Variants in PROX1 observed in about 807,000 individuals in gnomAD.
PROX1 encodes the protein prospero homeobox protein 1.
PROX1 carries 7 observed loss-of-function variants against 58.8 expected under a neutral mutation model. That is an observed-to-expected ratio of 0.12 (90% confidence interval 0.07 to 0.22). The LOEUF (loss-of-function observed/expected upper bound fraction) is 0.22. Among genes scored for constraint, PROX1 ranks in the 10% least tolerant of loss-of-function variants. The pLI is 1.00. For synonymous variants in PROX1, 350 were observed against 358.3 expected (o/e 0.98, Z 0.26); for missense variants, 675 against 927.8 (o/e 0.73, Z 3.54).
At position 214,011,650 on chromosome 1, in the gene PROX1, A is replaced by G. The variant is rs1383269308; in HGVS notation, c.1963A>G (p.Ile655Val). ...DGVTSTEELS[I>V]TRDCELYRAL... ...GGTCACCAGTACTGAAGAGCTGTCTATAACCAGAGACTGTGAGCTGTACAG... is the reference window on the plus strand; with the variant it reads ...GGTCACCAGTACTGAAGAGCTGTCTGTAACCAGAGACTGTGAGCTGTACAG... Residue 655 changes from isoleucine to valine, a missense_variant, in exon 4 of 5, where the codon ATA becomes GTA. Physicochemically the swap from Ile to Val is conservative, Grantham distance 29. Around this residue, in one of 8 missense-constraint regions of PROX1, gnomAD observed 50 missense variants for 79.3 expected, o/e 0.63. Coordinates refer to ENST00000366958, the MANE Select transcript of PROX1 (RefSeq NM_001270616.2). The G allele has an allele frequency of 6.2e-7, 1 of 1,613,982 alleles. No individual in the cohort carries two copies. Among genetic ancestry groups the G allele is most frequent in the East Asian group, 2.2e-5 (1 of 44,892 alleles).
chr1:214,017,691 C>G (rs957363737), intron 4 of PROX1, among the ~76,000 whole-genome samples: 2 of 152,096 alleles, frequency 1.3e-5, no homozygotes, highest in Non-Finnish European at 2.9e-5. Context: ...CCCGCACCCC[C>G]CCACAAATGA....
intron 3 of PROX1, among the ~76,000 whole-genome samples, chr1:214,006,724 C>T (rs887932454): frequency 6.6e-6 from 1 of 151,970 alleles, no homozygotes; most frequent in Non-Finnish European, 1.5e-5. Context: ...CATTTTAGTT[C>T]TAGGAGGGGA....
chr1:213,991,244 A>G (rs1010333887), intron 1 of PROX1, among the ~76,000 whole-genome samples: 1 of 152,174 alleles, frequency 6.6e-6, no homozygotes, highest in Non-Finnish European at 1.5e-5. Flanking sequence ...TTAAAACTTG[A>G]CCTTTTAAAA....
chr1:214,020,129 C>A (rs1437181088), intron 4 of PROX1, among the ~76,000 whole-genome samples: 1 of 152,136 alleles, frequency 6.6e-6, no homozygotes, highest in African/African-American at 2.4e-5. Context: ...GTGATTGCTT[C>A]CAGTTTATGA....
chr1:213,994,789 A>C (rs1242996024), intron 1 of PROX1, among the ~76,000 whole-genome samples: 5 of 76,734 alleles, frequency 6.5e-5, no homozygotes, highest in African/African-American at 2.5e-4. Context: ...ATATATATAT[A>C]TATATATATA....
At chr1:214,020,363 T>C (rs1279007766) in intron 4 of PROX1, among the ~76,000 whole-genome samples, 2 of 152,200 alleles carry the variant, frequency 1.3e-5, no homozygotes, top group African/African-American at 4.8e-5. Context: ...TGAAGGTTCC[T>C]TTCTCTAAGT....
intron 4 of PROX1, among the ~76,000 whole-genome samples, chr1:214,017,716 C>T (rs928807267): frequency 3.3e-5 from 5 of 152,152 alleles, no homozygotes; most frequent in Non-Finnish European, 5.9e-5. Flanking sequence ...TTGGCTCTCT[C>T]GGCGGCTGTA....
chr1:214,026,111 GT>G (rs1393585107), intron 4 of PROX1, among the ~76,000 whole-genome samples: 46 of 152,282 alleles, frequency 3.0e-4, no homozygotes, highest in African/African-American at 9.6e-4. Flanking sequence ...GAGGTATTAG[GT>G]TTTAGTTTTT....
At chr1:214,003,757 TA>T (rs1444840955) in intron 2 of PROX1, among the ~76,000 whole-genome samples, 1 of 152,242 alleles carries the variant, frequency 6.6e-6, no homozygotes, top group Non-Finnish European at 1.5e-5. Flanking sequence ...CTCAGCAGAA[TA>T]TTTGGTTAAA....
At chr1:213,995,315 T>G (rs1663219986) in intron 1 of PROX1, among the ~76,000 whole-genome samples, 1 of 152,248 alleles carries the variant, frequency 6.6e-6, no homozygotes, top group South Asian at 2.1e-4. Context: ...CAAGTGCCTT[T>G]TATGAAATTC....
chr1:213,996,495 A>T lies in PROX1; in HGVS notation c.-41A>T. ...GTCCCGGGATTCTTGAGCTGTGCCC[A>T]GCTGACGAGCTTTTGAAGATGGCAC... On this transcript the variant is annotated 5_prime_UTR_variant, in exon 2 of 5. Coordinates refer to ENST00000366958, the MANE Select transcript of PROX1 (RefSeq NM_001270616.2). 1 of 1,573,732 alleles carries T rather than the reference A, an allele frequency of 6.4e-7. No homozygotes were observed. Among genetic ancestry groups the T allele is most frequent in the Non-Finnish European group, 8.6e-7 (1 of 1,157,440 alleles).
intron 3 of PROX1, among the ~76,000 whole-genome samples, chr1:214,007,378 A>G (rs3767844): frequency 0.35 from 53,223 of 152,108 alleles, 9,954 homozygotes; most frequent in African/African-American, 0.47. Flanking sequence ...GAAACAGTAG[A>G]ACATATCAGG....
rs1664465419 is a variant in PROX1, at chr1:214,026,604, T to C, written c.2029-9045T>C. Among the ~76,000 whole-genome samples, 5 of 152,388 alleles carry C rather than the reference T, an allele frequency of 3.3e-5. No individual in the cohort carries two copies. In the South Asian group the frequency reaches 1.0e-3, roughly 32 times the overall value. The stretch of plus-strand genomic sequence containing the variant: ...AAATCTAGAACATTGTTGATAATTA[T>C]ATAATATTTTAACAACACATATGTT... On this transcript the variant is annotated intron_variant, in intron 4 of 4. Coordinates refer to ENST00000366958, the MANE Select transcript of PROX1 (RefSeq NM_001270616.2).
rs529267537 is a variant in PROX1 at position 214,038,341 on chromosome 1, T to C, written c.*2507T>C. Reference sequence around the variant, plus strand: ...CGAAATCTTGTGCCTCCCAAGTGCATTGGAAAATGACAAAAGCCTGTCTCT... The same window carrying C: ...CGAAATCTTGTGCCTCCCAAGTGCACTGGAAAATGACAAAAGCCTGTCTCT... On this transcript the variant is annotated 3_prime_UTR_variant, in exon 5 of 5. Transcript: ENST00000366958. 6.6e-6 allele frequency: 1 copy of C among 152,320 alleles called. No individual in the cohort carries two copies. Among genetic ancestry groups the C allele is most frequent in the East Asian group, 1.9e-4 (1 of 5,184 alleles). The allele number at this position is 152,320 out of a possible 1,614,324, so 9.4% of individuals were successfully genotyped here.
At position 214,039,406 on chromosome 1, in the gene PROX1, T is replaced by A. The variant is rs1403779497; in HGVS notation, c.*3572T>A. On this transcript the variant is annotated 3_prime_UTR_variant, in exon 5 of 5. Transcript: ENST00000366958. ...GTGTTTTATGTTTGCAGAATCTTTG[T>A]CACTGTACTAGGGATGTGGGTGAAT... is the stretch of plus-strand genomic sequence containing the variant. The A allele has an allele frequency of 6.6e-6, 1 of 152,124 alleles. No homozygotes were observed. The highest frequency in any genetic ancestry group is 1.9e-4 in the East Asian group (1 of 5,192). 9.4% of individuals were successfully genotyped at this position (152,124 alleles called of 1,614,324 possible). A position where few individuals can be genotyped will look rare whatever the true frequency, so the allele number is the denominator to read the frequency against.
chr1:213,996,502 G>C lies in PROX1; in HGVS notation c.-34G>C. On this transcript the variant is annotated 5_prime_UTR_variant, in exon 2 of 5. Coordinates refer to ENST00000366958, the MANE Select transcript of PROX1 (RefSeq NM_001270616.2). ...GATTCTTGAGCTGTGCCCAGCTGAC[G>C]AGCTTTTGAAGATGGCACAATAACC... The C allele has an allele frequency of 6.3e-7, 1 of 1,580,254 alleles. No homozygotes were observed. The highest frequency in any genetic ancestry group is 8.6e-7 in the Non-Finnish European group (1 of 1,160,202).
At position 214,037,917 on chromosome 1, in the gene PROX1, G is replaced by A. The variant is rs1188267700; in HGVS notation, c.*2083G>A. 1 of 152,200 alleles carries A rather than the reference G, an allele frequency of 6.6e-6. No homozygotes were observed. Among genetic ancestry groups the A allele is most frequent in the Non-Finnish European group, 1.5e-5 (1 of 68,036 alleles). 9.4% of individuals were successfully genotyped at this position (152,200 alleles called of 1,614,324 possible). ...AAAGAGGATGGCAGTCCTTGTTCGTGTCAGTGTGCCACTGGGTTTTTGCTG... is the reference window on the plus strand; with the variant it reads ...AAAGAGGATGGCAGTCCTTGTTCGTATCAGTGTGCCACTGGGTTTTTGCTG... On this transcript the variant is annotated 3_prime_UTR_variant, in exon 5 of 5. Coordinates refer to ENST00000366958, the MANE Select transcript of PROX1 (RefSeq NM_001270616.2).
intron 1 of PROX1, chr1:213,988,810 G>C (rs1464860010): frequency 6.6e-6 from 1 of 152,280 alleles, no homozygotes; most frequent in East Asian, 2.0e-4. Flanking sequence ...TGATGTTGCT[G>C]GACTTGTCGC....
chr1:214,003,975 T>TG (rs10689198), intron 2 of PROX1, among the ~76,000 whole-genome samples: 41,687 of 151,958 alleles, frequency 0.27, 5,889 homozygotes, highest in Admixed American at 0.39. Context: ...TGTGAGTGTG[T>TG]TTGTGTGTGT....
Sources: gnomAD v4.1 joint callset for allele counts (sites outside exome capture counted in the v4.1 genomes callset) on GRCh38, gnomAD v4.1.1 for gene constraint, gnomAD v4.1.1 regional missense constraint, MANE v1.5 for transcripts, NCBI Gene and HGNC (gene_info 2026-07-23, HGNC 2026-07-21) for gene names.